The following TRDMT1 variants were observed in gnomAD, a reference collection of about 807,000 sequenced individuals.
The protein encoded by TRDMT1 is tRNA aspartic acid methyltransferase 1.
In TRDMT1, 49 loss-of-function variants were observed where a neutral mutation model predicts 51.2. That is an observed-to-expected ratio of 0.96 (90% CI 0.76 to 1.21). TRDMT1 has a LOEUF of 1.21. Ranked by LOEUF, TRDMT1 falls within the 50% of genes most tolerant of loss-of-function variation. TRDMT1 has a pLI of 0.00. For synonymous variants in TRDMT1, 187 were observed against 164.6 expected (o/e 1.14, Z -1.04); for missense variants, 534 against 462.3 (o/e 1.16, Z -1.42).
At chr10:17,183,303 A>G (rs1328202670) in intron 1 of TRDMT1, among the ~76,000 whole-genome samples, 1 of 152,240 alleles carries the variant, frequency 6.6e-6, no homozygotes, top group Non-Finnish European at 1.5e-5. Context: ...AAAACAGCCA[A>G]TATCAACAGA....
Position 17,145,050 on chromosome 10 carries a change from G to A in TRDMT1, c.*3990C>T, listed in dbSNP as rs540640013. 3.8e-4 allele frequency: 320 copies of A among 851,318 alleles called. No individual in the cohort carries two copies. The highest frequency in any genetic ancestry group is 4.3e-4 in the Non-Finnish European group (302 of 707,688). 52.7% of individuals were successfully genotyped at this position (851,318 alleles called of 1,614,324 possible). A position where few individuals can be genotyped will look rare whatever the true frequency, so the allele number is the denominator to read the frequency against. ...GATTAACTTGAGGTCAGGTGTTCGA[G>A]ACCAGCCTGGCCAACATGGTGAAAC... On this transcript the variant is annotated 3_prime_UTR_variant, in exon 11 of 11. Transcript: ENST00000377799.
Position 17,148,465 on chromosome 10 carries a change from G to C in TRDMT1, c.*575C>G. Reference sequence around the variant, plus strand: ...CAACAGTTTCTGTGGCCGCTTCATGGAGAGGTAATCAAACATTTAGGATTA... The same window carrying C: ...CAACAGTTTCTGTGGCCGCTTCATGCAGAGGTAATCAAACATTTAGGATTA... On this transcript the variant is annotated 3_prime_UTR_variant, in exon 11 of 11. Transcript: ENST00000377799. The C allele has an allele frequency of 2.0e-6, 2 of 985,436 alleles. No individual in the cohort carries two copies. The highest frequency in any genetic ancestry group is 2.4e-6 in the Non-Finnish European group (2 of 829,926). The allele number at this position is 985,436 out of a possible 1,614,324, so 61.0% of individuals were successfully genotyped here.
chr10:17,170,894 CAT>C (rs1287473302), intron 2 of TRDMT1, among the ~76,000 whole-genome samples: 1 of 152,000 alleles, frequency 6.6e-6, no homozygotes, highest in Non-Finnish European at 1.5e-5. Context: ...AATTGTTCCT[CAT>C]ATATTATTTT....
Position 17,168,640 on chromosome 10 carries a change from C to G in TRDMT1, c.251+201G>C, listed in dbSNP as rs568599763. On this transcript the variant is annotated intron_variant, in intron 3 of 10. Coordinates refer to ENST00000377799, the MANE Select transcript of TRDMT1 (RefSeq NM_004412.7). ...AGATGGTTCTATAAAGGGCAGTTTC[C>G]CTGCACAACATCTCTCTCTTTACCT... 4.5e-4 allele frequency among the ~76,000 whole-genome samples: 68 copies of G among 152,266 alleles called. 1 individual carries two copies. The highest frequency in any genetic ancestry group is 8.8e-5 in the Non-Finnish European group (6 of 68,032).
chr10:17,175,673 G>GA (rs111303184), intron 1 of TRDMT1, among the ~76,000 whole-genome samples: 27,757 of 128,744 alleles, frequency 0.22, 3,045 homozygotes, highest in African/African-American at 0.32. Context: ...ATCAAAAAAG[G>GA]AAAAAAAAAA....
chr10:17,148,219 A>G lies in TRDMT1; in HGVS notation c.*821T>C. On this transcript the variant is annotated 3_prime_UTR_variant, in exon 11 of 11. Transcript: ENST00000377799. ...AATAAAGAACAACTGGGGGGAGGGG[A>G]GTACTGTCATATGACATGGGATCAG... 1.0e-6 allele frequency: 1 copy of G among 985,430 alleles called. No individual in the cohort carries two copies. Among genetic ancestry groups the G allele is most frequent in the Non-Finnish European group, 1.2e-6 (1 of 829,946 alleles). The allele number at this position is 985,430 out of a possible 1,614,324, so 61.0% of individuals were successfully genotyped here.
At chr10:17,151,874 C>T (rs1838783223) in intron 10 of TRDMT1, 1 of 1,047,790 alleles carries the variant, frequency 9.5e-7, no homozygotes, top group South Asian at 3.0e-5. Context: ...TATGATCATC[C>T]TCATTTTACA....
At chr10:17,175,461 T>C (rs1842514271) in intron 1 of TRDMT1, among the ~76,000 whole-genome samples, 1 of 152,142 alleles carries the variant, frequency 6.6e-6, no homozygotes, top group African/African-American at 2.4e-5. Flanking sequence ...ATGACCACCC[T>C]CTTTCCCCAA....
chr10:17,157,729 T>C lies in TRDMT1; in HGVS notation c.599A>G (p.Asp200Gly), dbSNP rs761327884. The C allele has an allele frequency of 6.2e-7, 1 of 1,610,916 alleles. No homozygotes were observed. The part of the protein sequence containing the change: ...ESVHPQKYAM[D>G]VENKIQEKNV... ...CTTTTCTTGAATTTTATTTTCTACATCCATTGCATATTTTTGTGGATGTAC... is the reference window on the plus strand; with the variant it reads ...CTTTTCTTGAATTTTATTTTCTACACCCATTGCATATTTTTGTGGATGTAC... Residue 200 changes from aspartate (D) to glycine (G), a missense_variant, in exon 8 of 11, where the codon GAT becomes GGT. By Grantham distance (94) the Asp-to-Gly change is moderately conservative. Coordinates refer to ENST00000377799, the MANE Select transcript of TRDMT1 (RefSeq NM_004412.7).
Position 17,154,734 on chromosome 10 carries a change from T to A in TRDMT1, c.888A>T (p.Gly296=), listed in dbSNP as rs753337305. Residue 296 remains glycine, a splice_region_variant and synonymous_variant, in exon 9 of 11, where the codon GGA becomes GGT. Coordinates refer to ENST00000377799, the MANE Select transcript of TRDMT1 (RefSeq NM_004412.7). ...TCRRSVCFTK[G]YGSYIEGTGS... ...CTGTCCCTTCTATGTAGCTTCCATATCTGAAAAATCAACACAACAATTATG... is the reference window on the plus strand; with the variant it reads ...CTGTCCCTTCTATGTAGCTTCCATAACTGAAAAATCAACACAACAATTATG... 7 of 1,602,554 alleles carry A rather than the reference T, an allele frequency of 4.4e-6. No individual in the cohort carries two copies. The highest frequency in any genetic ancestry group is 4.3e-6 in the Non-Finnish European group (5 of 1,174,964).
At chr10:17,155,906 T>A (rs761979829) in intron 8 of TRDMT1, among the ~76,000 whole-genome samples, 1 of 152,226 alleles carries the variant, frequency 6.6e-6, no homozygotes, top group Non-Finnish European at 1.5e-5. Flanking sequence ...GAAAAGAATT[T>A]CAAGGTTGTT....
chr10:17,186,775 T>A (rs900269803), intron 1 of TRDMT1, among the ~76,000 whole-genome samples: 1 of 152,220 alleles, frequency 6.6e-6, no homozygotes, highest in African/African-American at 2.4e-5. Flanking sequence ...TTATGAATGA[T>A]CTGAATGTCC....
rs139580342 is a variant in TRDMT1, at chr10:17,152,930, T to C, written c.1075+577A>G. ...CAATTCATCTCCTGTGTCAATTTCA[T>C]CTTCTGAGTCCCCCTTTCATTCCAT... On this transcript the variant is annotated intron_variant, in intron 10 of 10. Coordinates refer to ENST00000377799, the MANE Select transcript of TRDMT1 (RefSeq NM_004412.7). 7.4e-3 allele frequency: 1,131 copies of C among 153,018 alleles called. 16 individuals are homozygous for C. The highest frequency in any genetic ancestry group is 0.025 in the African/African-American group (1,037 of 41,574). The allele number at this position is 153,018 out of a possible 1,614,324, so 9.5% of individuals were successfully genotyped here.
chr10:17,168,716 C>T lies in TRDMT1; in HGVS notation c.251+125G>A, dbSNP rs1347594067. ...CCTTCCGCCATGATTGTGAGGTTTC[C>T]CTAGCCACATGGAACTGTAAGTCTA... is the stretch of plus-strand genomic sequence containing the variant. On this transcript the variant is annotated intron_variant, in intron 3 of 10. Coordinates refer to ENST00000377799, the MANE Select transcript of TRDMT1 (RefSeq NM_004412.7). 9.3e-6 allele frequency: 6 copies of T among 646,538 alleles called. No homozygotes were observed. The Admixed American group carries it at 1.5e-4, about 16-fold the overall frequency. 40.1% of individuals were successfully genotyped at this position (646,538 alleles called of 1,614,324 possible). A position where few individuals can be genotyped will look rare whatever the true frequency, so the allele number is the denominator to read the frequency against.
intron 5 of TRDMT1, among the ~76,000 whole-genome samples, chr10:17,160,583 G>A (rs1840203860): frequency 6.6e-6 from 1 of 151,888 alleles, no homozygotes; most frequent in Non-Finnish European, 1.5e-5. Flanking sequence ...GCAATTCTCT[G>A]CCTCAGTCTC....
chr10:17,174,965 A>G lies in TRDMT1; in HGVS notation c.65-305T>C, dbSNP rs187213065. 3.4e-3 allele frequency among the ~76,000 whole-genome samples: 519 copies of G among 152,370 alleles called. 3 individuals carry two copies. Among genetic ancestry groups the G allele is most frequent in the African/African-American group, 0.012 (498 of 41,590 alleles). On this transcript the variant is annotated intron_variant, in intron 1 of 10. Transcript: ENST00000377799. ...AGACACACTTATAAGTCAAATAGAA[A>G]GTTTTCCTAAGTTAAAACAAACTAA...
Position 17,144,968 on chromosome 10 carries a change from CTGGGCG to C in TRDMT1, c.*4066_*4071del. ...TTTTTAAAAAACATGCAAAGGGAGG[CTGGGCG>C]TGGTGGCTCATGCCTGTAAAACCCA... On this transcript the variant is annotated 3_prime_UTR_variant, in exon 11 of 11. Coordinates refer to ENST00000377799, the MANE Select transcript of TRDMT1 (RefSeq NM_004412.7). 3 of 985,346 alleles carry C rather than the reference CTGGGCG, an allele frequency of 3.0e-6. No individual in the cohort carries two copies. Among genetic ancestry groups the C allele is most frequent in the Non-Finnish European group, 3.6e-6 (3 of 829,934 alleles). The allele number at this position is 985,346 out of a possible 1,614,324, so 61.0% of individuals were successfully genotyped here.
intron 3 of TRDMT1, among the ~76,000 whole-genome samples, chr10:17,166,969 G>A (rs766229920): frequency 1.1e-4 from 17 of 152,176 alleles, no homozygotes; most frequent in Non-Finnish European, 5.9e-5. Flanking sequence ...TCCAGACACA[G>A]TTCAGACATC....
intron 1 of TRDMT1, among the ~76,000 whole-genome samples, chr10:17,192,294 G>C (rs146264492): frequency 3.0e-4 from 45 of 152,304 alleles, no homozygotes; most frequent in African/African-American, 1.1e-3. Flanking sequence ...GGTTACAAGA[G>C]TGGCAAGTTT....
Sources: allele counts gnomAD v4.1 joint callset (sites outside exome capture counted in the v4.1 genomes callset), GRCh38; gene constraint gnomAD v4.1.1; transcripts MANE v1.5; gene names NCBI Gene and HGNC (gene_info 2026-07-23, HGNC 2026-07-21).